Variants in LRRC36 observed in about 807,000 individuals in gnomAD.
LRRC36 encodes leucine rich repeat containing 36, also known as leucine-rich repeat-containing protein 36.
Under a neutral mutation model 81.1 loss-of-function variants are expected in LRRC36, and 62 were observed. That is an observed-to-expected ratio of 0.76 (90% CI 0.62 to 0.94). LRRC36 has a LOEUF of 0.94. Among genes scored for constraint, LRRC36 ranks in the 40% least tolerant of loss-of-function variants. The pLI, the probability that LRRC36 is intolerant of heterozygous loss-of-function variation, is 0.00. For synonymous variants in LRRC36, 334 were observed against 348.6 expected, an observed-to-expected ratio of 0.96 and a Z score of 0.47; for missense variants, 761 against 881.7, an observed-to-expected ratio of 0.86 and a Z score of 1.73.
chr16:67,328,650 T>G (rs946023923), intron 1 of LRRC36, among the ~76,000 whole-genome samples: 6 of 152,196 alleles, frequency 3.9e-5, no homozygotes, highest in African/African-American at 1.4e-4. Flanking sequence ...CCAGAAATAT[T>G]CTCTACATAT....
chr16:67,339,938 T>A (rs1036320780), intron 1 of LRRC36, among the ~76,000 whole-genome samples: 1 of 151,764 alleles, frequency 6.6e-6, no homozygotes, highest in Non-Finnish European at 1.5e-5. Context: ...AGGTCAGGAG[T>A]TTGAGACCAG....
chr16:67,363,852 C>G (rs1287106999), intron 6 of LRRC36, 138 bp downstream of exon 6: 3 of 850,042 alleles, frequency 3.5e-6, no homozygotes, highest in Non-Finnish European at 3.6e-6. Flanking sequence ...AAGGAAAGGG[C>G]AGGACAGAAT....
At chr16:67,334,840 G>T (rs1597423506) in intron 1 of LRRC36, among the ~76,000 whole-genome samples, 2 of 152,136 alleles carry the variant, frequency 1.3e-5, no homozygotes, top group African/African-American at 4.8e-5. Context: ...AAAGCTGGGT[G>T]TCTGGGGGAG....
intron 1 of LRRC36, among the ~76,000 whole-genome samples, chr16:67,338,857 G>A (rs2037886344): frequency 1.0e-5 from 1 of 99,760 alleles, no homozygotes; most frequent in African/African-American, 3.7e-5. Flanking sequence ...TTTCTGCTTG[G>A]AAGCTGAATT....
intron 2 of LRRC36, among the ~76,000 whole-genome samples, chr16:67,343,889 T>C (rs1299093363): frequency 6.6e-6 from 1 of 151,480 alleles, no homozygotes; most frequent in Non-Finnish European, 1.5e-5. Context: ...TGATCTTGGC[T>C]CACTGCAACC....
At chr16:67,366,671 CTCTGGGAAGCG>C (rs1033841179) in intron 7 of LRRC36, among the ~76,000 whole-genome samples, 6 of 151,836 alleles carry the variant, frequency 4.0e-5, no homozygotes, top group African/African-American at 1.5e-4. Flanking sequence ...AATCGCTTCC[CTCTGGGAAGCG>C]AAGGTTGCAC....
intron 2 of LRRC36, among the ~76,000 whole-genome samples, chr16:67,344,347 G>A (rs1433885779): frequency 6.6e-6 from 1 of 152,178 alleles, no homozygotes; most frequent in Non-Finnish European, 1.5e-5. Flanking sequence ...CACTTTGGGA[G>A]GCTGAGGCAG....
At chr16:67,352,680 TATTTA>T (rs1484323779) in intron 5 of LRRC36, among the ~76,000 whole-genome samples, 2 of 144,924 alleles carry the variant, frequency 1.4e-5, no homozygotes, top group African/African-American at 5.5e-5. Flanking sequence ...TTTATTTATT[TATTTA>T]TTTATTTTTT....
At chr16:67,355,610 A>G (rs1041495204) in intron 5 of LRRC36, among the ~76,000 whole-genome samples, 4 of 151,784 alleles carry the variant, frequency 2.6e-5, no homozygotes, top group Non-Finnish European at 4.4e-5. Context: ...TCCTGACCTC[A>G]TGATCCGCCC....
chr16:67,359,470 A>G (rs1286529814), intron 5 of LRRC36, among the ~76,000 whole-genome samples: 2 of 152,170 alleles, frequency 1.3e-5, no homozygotes, highest in South Asian at 2.1e-4. Flanking sequence ...TTGCCAGAGG[A>G]TGGAAGGGAG....
Position 67,371,175 on chromosome 16 carries a change from A to T in LRRC36, c.1427A>T (p.Lys476Ile). The T allele has an allele frequency of 6.2e-7, 1 of 1,614,230 alleles. No individual in the cohort carries two copies. ...CTAAGCCCATCGAAGAGAGGATTCA[A>T]ATGGAAGGACAATATCCTTGCCAAC... ...RSLSPSKRGF[K>I]WKDNILANLN... is the part of the protein sequence containing the mutation. The change falls in exon 9 of 14, where the codon AAA (lysine) becomes ATA (isoleucine). Residue 476 changes from lysine (K) to isoleucine (I), a missense_variant. This residue lies in a region of LRRC36 where 359 missense variants were observed against 388.4 expected (regional missense o/e 0.92). Transcript: ENST00000329956.
At chr16:67,328,593 TC>T (rs938581964) in intron 1 of LRRC36, among the ~76,000 whole-genome samples, 1 of 152,206 alleles carries the variant, frequency 6.6e-6, no homozygotes, top group African/African-American at 2.4e-5. Context: ...TAGGCCTAGT[TC>T]CCCTTCCTAA....
intron 9 of LRRC36, among the ~76,000 whole-genome samples, chr16:67,372,856 A>G (rs1455373541): frequency 6.6e-6 from 1 of 152,124 alleles, no homozygotes; most frequent in African/African-American, 2.4e-5. Context: ...ATTTTTGTGC[A>G]CCAAAGGGGG....
intron 1 of LRRC36, among the ~76,000 whole-genome samples, chr16:67,339,707 T>C (rs1032981539): frequency 6.6e-6 from 1 of 152,220 alleles, no homozygotes; most frequent in Non-Finnish European, 1.5e-5. Context: ...CCGTCCATTC[T>C]GCTTCCCTCC....
chr16:67,376,903 G>T, intron 11 of LRRC36, 31 bp downstream of exon 11: 1 of 1,582,768 alleles, frequency 6.3e-7, no homozygotes, highest in Non-Finnish European at 8.6e-7. Flanking sequence ...TTTAGAAAAG[G>T]ACAGAGCAGC....
At chr16:67,366,225 A>G (rs901711790) in intron 7 of LRRC36, among the ~76,000 whole-genome samples, 7 of 151,858 alleles carry the variant, frequency 4.6e-5, no homozygotes, top group Non-Finnish European at 1.0e-4. Context: ...TGGCACAATC[A>G]GAGCTCATAA....
chr16:67,365,227 C>A, intron 6 of LRRC36, 77 bp from the exon 7 acceptor site: 1 of 863,274 alleles, frequency 1.2e-6, no homozygotes, highest in South Asian at 1.5e-5. Context: ...GGAAGGTATT[C>A]TGAACCCCTA....
In LRRC36 at chr16:67,346,449, G is replaced by A; in HGVS notation, c.391+1G>A. ...ACACTACAAACTCTGGAGAAATTAGGTAAGACCTTCCTTCTCTGTTCCTGT... is the reference window on the plus strand; with the variant it reads ...ACACTACAAACTCTGGAGAAATTAGATAAGACCTTCCTTCTCTGTTCCTGT... On this transcript the variant is annotated splice_donor_variant, in intron 3 of 13. Coordinates refer to ENST00000329956, the MANE Select transcript of LRRC36 (RefSeq NM_018296.6). LOFTEE classifies it high-confidence loss of function. 1.3e-6 allele frequency: 2 copies of A among 1,558,428 alleles called. No homozygotes were observed. Among genetic ancestry groups the A allele is most frequent in the Non-Finnish European group, 1.8e-6 (2 of 1,142,410 alleles).
In LRRC36 at chr16:67,346,339, A is replaced by G. The variant is rs1228233406; in HGVS notation, c.282A>G (p.Gln94=). Residue 94 remains glutamine, a synonymous_variant, in exon 3 of 14, where the codon CAA becomes CAG. Transcript: ENST00000329956. ...CATTAGTGGAAGTGTCCCGTCTACA[A>G]CCGTTACCCTTCCTCAAAGAACTGG... ...IPSLVEVSRL[Q]PLPFLKELDL... is the part of the protein sequence containing the mutation. The G allele has an allele frequency of 2.5e-6, 4 of 1,612,382 alleles. No homozygotes were observed. The highest frequency in any genetic ancestry group is 2.2e-5 in the East Asian group (1 of 44,864).
Sources: allele counts gnomAD v4.1 joint callset (sites outside exome capture counted in the v4.1 genomes callset), GRCh38; gene constraint gnomAD v4.1.1; regional missense constraint gnomAD v4.1.1; transcripts MANE v1.5; gene names NCBI Gene and HGNC (gene_info 2026-07-23, HGNC 2026-07-21).